Variants in CORO2B observed in about 807,000 individuals in gnomAD.
The protein encoded by CORO2B is coronin-2B.
CORO2B carries 26 observed loss-of-function variants against 58.8 expected under a neutral mutation model. The ratio of observed to expected loss-of-function variants is 0.44; its 90% CI spans 0.32 to 0.61. The LOEUF (loss-of-function observed/expected upper bound fraction) is 0.61, where lower values mean the gene tolerates loss of function less well. CORO2B is among the 20% of genes least tolerant of loss of function. The pLI, the probability that CORO2B is intolerant of heterozygous loss-of-function variation, is 0.04. For missense variants in CORO2B, 460 were observed against 645.1 expected (o/e 0.71, Z 3.11); for synonymous variants, 242 against 253.8 (o/e 0.95, Z 0.44).
At chr15:68,558,518 G>T in the CORO2B span, among the ~76,000 whole-genome samples, 1 of 152,142 alleles carries the variant, frequency 6.6e-6, no homozygotes, top group Non-Finnish European at 1.5e-5. Context: ...GGGACCACAG[G>T]CATGCGTCAC....
the CORO2B span, among the ~76,000 whole-genome samples, chr15:68,540,346 G>A: frequency 1.3e-5 from 2 of 152,210 alleles, no homozygotes; most frequent in African/African-American, 2.4e-5. Flanking sequence ...GCAGATGCAA[G>A]TTTTCCAAAA....
the CORO2B span, among the ~76,000 whole-genome samples, chr15:68,523,437 T>G: frequency 5.4e-3 from 825 of 152,128 alleles, 6 homozygotes; most frequent in South Asian, 0.021. Flanking sequence ...GCTTAAGCAA[T>G]CCTCCCTCCT....
At position 68,605,711 on chromosome 15, in the gene CORO2B, G is replaced by GTTT. The variant is rs35340917; in HGVS notation, c.15+26461_15+26463dup. 3.1e-3 allele frequency among the ~76,000 whole-genome samples: 303 copies of GTTT among 99,130 alleles called. 36 individuals carry two copies. The highest frequency in any genetic ancestry group is 9.3e-3 in the African/African-American group (199 of 21,476). The allele number at this position is 99,130 out of a possible 152,430, so 65.0% of individuals were successfully genotyped here. On this transcript the variant is annotated intron_variant, in intron 1 of 11. Coordinates refer to ENST00000261861, the MANE Select transcript of CORO2B (RefSeq NM_006091.5). ...GGGAGGAGTCACAGAGGGCTCTTGG[G>GTTT]TTTTTTTTTTTTTTTTTTTTTTTTT... is the stretch of plus-strand genomic sequence containing the variant.
At chr15:68,665,615 G>A (rs1035109793) in intron 2 of CORO2B, among the ~76,000 whole-genome samples, 1 of 151,686 alleles carries the variant, frequency 6.6e-6, no homozygotes, top group African/African-American at 2.4e-5. Context: ...ACTTTTTGTA[G>A]TCCTTTGTGT....
chr15:68,543,780 G>A, the CORO2B span, among the ~76,000 whole-genome samples: 1 of 151,950 alleles, frequency 6.6e-6, no homozygotes, highest in African/African-American at 2.4e-5. Flanking sequence ...TCTCCTTCCT[G>A]CCTTAGTCCC....
intron 11 of CORO2B, among the ~76,000 whole-genome samples, chr15:68,720,686 G>A (rs866561455): frequency 6.6e-6 from 1 of 152,254 alleles, no homozygotes; most frequent in Middle Eastern, 3.4e-3. Flanking sequence ...TCACAACAGG[G>A]TATGTGAGCA....
At position 68,607,715 on chromosome 15, in the gene CORO2B, C is replaced by T. The variant is rs143816613; in HGVS notation, c.15+28438C>T. ...TGCTTGTGGTCCCAGCTACTTGGGA[C>T]GCTGAGGTGAGAGGATTGCTTGAGC... On this transcript the variant is annotated intron_variant, in intron 1 of 11. Transcript: ENST00000261861. Among the ~76,000 whole-genome samples the T allele has an allele frequency of 3.1e-3, 472 of 151,254 alleles. 1 individual carries two copies. The highest frequency in any genetic ancestry group is 0.027 in the Middle Eastern group (8 of 292).
chr15:68,586,742 G>A (rs1276021709), intron 1 of CORO2B, among the ~76,000 whole-genome samples: 1 of 152,008 alleles, frequency 6.6e-6, no homozygotes, highest in East Asian at 1.9e-4. Context: ...GTGATAGGGA[G>A]GGTGGCCTGA....
the CORO2B span, among the ~76,000 whole-genome samples, chr15:68,557,698 A>G: frequency 6.6e-6 from 1 of 152,266 alleles, no homozygotes; most frequent in Non-Finnish European, 1.5e-5. Context: ...ATCCCTTTGA[A>G]GCACAGAGAG....
Position 68,711,607 on chromosome 15 carries a change from C to G in CORO2B, c.549C>G (p.Ile183Met). Residue 183 changes from isoleucine to methionine, a missense_variant, in exon 5 of 12, where the codon ATC becomes ATG. By Grantham distance (10) the Ile-to-Met change is conservative. Transcript: ENST00000261861. ...TGATTGACTGCCACACGGATGTGAT[C>G]CTCTGCATGTCCTTCAACACGGACG... is the stretch of plus-strand genomic sequence containing the variant. ...VKMIDCHTDVILCMSFNTDGS... is the reference protein window; with the variant it reads ...VKMIDCHTDVMLCMSFNTDGS... 6.2e-7 allele frequency: 1 copy of G among 1,614,128 alleles called. No homozygotes were observed. Among genetic ancestry groups the G allele is most frequent in the Non-Finnish European group, 8.5e-7 (1 of 1,180,010 alleles).
chr15:68,724,879 G>A (rs1212602842), intron 11 of CORO2B, among the ~76,000 whole-genome samples: 1 of 152,118 alleles, frequency 6.6e-6, no homozygotes, highest in Non-Finnish European at 1.5e-5. Flanking sequence ...TGCTTTACAG[G>A]AGAAATGGAG....
At chr15:68,614,327 C>T (rs758994376) in intron 1 of CORO2B, among the ~76,000 whole-genome samples, 2 of 152,112 alleles carry the variant, frequency 1.3e-5, no homozygotes, top group Admixed American at 6.5e-5. Flanking sequence ...AGGAAGGTGC[C>T]GTATTATCAC....
chr15:68,711,573 C>A lies in CORO2B; in HGVS notation c.515C>A (p.Pro172Gln), dbSNP rs1210149937. The A allele has an allele frequency of 6.2e-7, 1 of 1,613,378 alleles. No individual in the cohort carries two copies. Among genetic ancestry groups the A allele is most frequent in the South Asian group, 1.1e-5 (1 of 91,040 alleles). The part of the protein sequence containing the change: ...VLIWNLDVGE[P>Q]VKMIDCHTDV... ...ATCTGGAACCTGGATGTGGGTGAGC[C>A]GGTGAAGATGATTGACTGCCACACG... The change falls in exon 5 of 12, where the codon CCG (proline) becomes CAG (glutamine). Residue 172 changes from proline to glutamine, a missense_variant. Transcript: ENST00000261861.
the CORO2B span, among the ~76,000 whole-genome samples, chr15:68,568,223 G>A: frequency 6.6e-6 from 1 of 152,098 alleles, no homozygotes; most frequent in Admixed American, 6.5e-5. Flanking sequence ...TATGACCCAG[G>A]ACAAGTTACT....
At chr15:68,677,955 T>G (rs1902641823) in intron 2 of CORO2B, among the ~76,000 whole-genome samples, 1 of 152,204 alleles carries the variant, frequency 6.6e-6, no homozygotes, top group Non-Finnish European at 1.5e-5. Context: ...GAGGGTTTCC[T>G]GTTATTTCAT....
the CORO2B span, among the ~76,000 whole-genome samples, chr15:68,540,182 AACATCATACTTTGAT>A: frequency 6.6e-6 from 1 of 152,256 alleles, no homozygotes; most frequent in Non-Finnish European, 1.5e-5. Flanking sequence ...ATGATTTTGA[AACATCATACTTTGAT>A]CACCTGGAAA....
intron 2 of CORO2B, 67 bp from the exon 3 acceptor site, chr15:68,695,073 C>A: frequency 1.6e-6 from 2 of 1,219,468 alleles, no homozygotes; most frequent in South Asian, 1.2e-5. Context: ...AAAAGGTGCT[C>A]CATTCAAGGC....
the CORO2B span, among the ~76,000 whole-genome samples, chr15:68,531,879 G>GA: frequency 2.1e-5 from 3 of 143,138 alleles, no homozygotes; most frequent in South Asian, 2.2e-4. Context: ...TTTTGTCAAA[G>GA]AAAAAAAAAA....
chr15:68,718,576 G>T (rs1057029834), intron 8 of CORO2B, 122 bp from the exon 9 acceptor site: 2 of 789,484 alleles, frequency 2.5e-6, no homozygotes, highest in African/African-American at 3.4e-5. Context: ...CCTCTGCATG[G>T]GCCGTTGCCT....
Sources: gnomAD v4.1 joint callset for allele counts (sites outside exome capture counted in the v4.1 genomes callset) on GRCh38, gnomAD v4.1.1 for gene constraint, MANE v1.5 for transcripts, NCBI Gene and HGNC (gene_info 2026-07-23, HGNC 2026-07-21) for gene names.